The following PAPLN variants were observed in gnomAD, a reference collection of about 807,000 sequenced individuals.
The protein encoded by PAPLN is papilin.
A neutral mutation model predicts 159.0 loss-of-function variants in PAPLN; 146 were observed. The observed-to-expected ratio is 0.92, with a 90% CI of 0.80 to 1.05. The LOEUF is 1.05. PAPLN is among the 50% of genes least tolerant of loss of function. The probability of loss-of-function intolerance (pLI) is 0.00; values close to 1 mark genes in which losing one functional copy is unlikely to be tolerated. For missense variants in PAPLN, 1,720 were observed against 1,743.9 expected, an observed-to-expected ratio of 0.99 and a Z score of 0.24; for synonymous variants, 734 against 702.9, an observed-to-expected ratio of 1.04 and a Z score of -0.70.
chr14:73,264,049 G>A, intron 20 of PAPLN, 162 bp from the exon 21 acceptor site: 1 of 1,537,244 alleles, frequency 6.5e-7, no homozygotes. Context: ...TGACAGGTGT[G>A]TGTGACAGCC....
chr14:73,255,096 C>A, intron 14 of PAPLN, 78 bp downstream of exon 14: 1 of 1,515,308 alleles, frequency 6.6e-7, no homozygotes, highest in Non-Finnish European at 8.9e-7. Flanking sequence ...GCATGTCCTG[C>A]CTCGGGGCCT....
chr14:73,241,022 GA>G (rs1300254678), intron 2 of PAPLN, among the ~76,000 whole-genome samples: 3 of 152,026 alleles, frequency 2.0e-5, no homozygotes, highest in South Asian at 2.1e-4. Context: ...TCGGGGGGGG[GA>G]TGCCACGTCT....
chr14:73,242,156 G>T (rs1008762107), intron 2 of PAPLN, among the ~76,000 whole-genome samples: 4 of 152,248 alleles, frequency 2.6e-5, no homozygotes, highest in Non-Finnish European at 1.5e-5. Context: ...TGTGGACAGA[G>T]CACGGCTCTA....
chr14:73,249,454 A>T (rs947630176), intron 5 of PAPLN, among the ~76,000 whole-genome samples: 2 of 152,100 alleles, frequency 1.3e-5, no homozygotes, highest in Non-Finnish European at 2.9e-5. Flanking sequence ...CAGGTGGATC[A>T]CCTGAGGTCA....
At chr14:73,258,386 A>C (rs1886164667) in intron 14 of PAPLN, among the ~76,000 whole-genome samples, 1 of 152,132 alleles carries the variant, frequency 6.6e-6, no homozygotes, top group Non-Finnish European at 1.5e-5. Context: ...GCCTTTCATC[A>C]GTCCAATTTT....
intron 26 of PAPLN, among the ~76,000 whole-genome samples, chr14:73,269,688 A>C (rs910625198): frequency 6.6e-6 from 1 of 152,216 alleles, no homozygotes; most frequent in Non-Finnish European, 1.5e-5. Context: ...TCACGGAGGG[A>C]CTGAAGACAG....
chr14:73,241,793 G>A (rs976043267), intron 2 of PAPLN, among the ~76,000 whole-genome samples: 2 of 152,386 alleles, frequency 1.3e-5, no homozygotes, highest in East Asian at 1.9e-4. Context: ...TAAAGGTGGC[G>A]GCCTGCGTGT....
rs151321267 is a variant in PAPLN, at chr14:73,262,358, G to A, written c.2254G>A (p.Val752Met). The A allele has an allele frequency of 1.6e-4, 253 of 1,611,410 alleles. 1 individual carries two copies. The African/African-American group carries it at 1.9e-3, about 12-fold the overall frequency. ...CVGQPSHAYPVRCLLPSAHGS... is the reference protein window; with the variant it reads ...CVGQPSHAYPMRCLLPSAHGS... The stretch of plus-strand genomic sequence containing the variant: ...ACACCCATGCCCTGCAGCCTACCCC[G>A]TGCGGTGCCTGCTGCCCAGTGCCCA... The change falls in exon 19 of 27, where the codon GTG becomes ATG. Residue 752 changes from valine (V) to methionine (M), a missense_variant. By Grantham distance (21) the Val-to-Met change is conservative (BLOSUM62 1). Transcript: ENST00000644200.
intron 19 of PAPLN, 84 bp downstream of exon 19, chr14:73,262,911 C>A: frequency 8.2e-7 from 1 of 1,214,630 alleles, no homozygotes; most frequent in Non-Finnish European, 1.1e-6. Context: ...TGAAGTCAGC[C>A]GGCCCTCCCT....
At chr14:73,248,031 G>GT (rs1884761467) in intron 5 of PAPLN, among the ~76,000 whole-genome samples, 1 of 65,706 alleles carries the variant, frequency 1.5e-5, no homozygotes, top group Non-Finnish European at 3.0e-5. Context: ...TGTGTGTGTT[G>GT]GGATTGTGGC....
rs745421241 is a variant in PAPLN at position 73,239,827 on chromosome 14, T to A, written c.49T>A (p.Ser17Thr). 1.2e-5 allele frequency: 19 copies of A among 1,589,620 alleles called. No individual in the cohort carries two copies. Among genetic ancestry groups the A allele is most frequent in the African/African-American group, 2.7e-5 (2 of 74,556 alleles). The part of the protein sequence containing the change: ...VPLLLAPAPG[S>T]SAPKVRRQSD... ...GCTGCTGCTGGCTCCAGCGCCCGGG[T>A]CCTCGGTGAGTGCGGTCCTGCCCCG... is the stretch of plus-strand genomic sequence containing the variant. Residue 17 changes from serine (S) to threonine (T), a missense_variant, in exon 2 of 27, where the codon TCC (serine) becomes ACC (threonine). By Grantham distance (58) the Ser-to-Thr change is moderately conservative. Coordinates refer to ENST00000644200, the MANE Select transcript of PAPLN (RefSeq NM_001365906.3).
rs866504444 is a variant in PAPLN, at chr14:73,262,590, G to A, written c.2486G>A (p.Gly829Asp). 2.6e-6 allele frequency: 4 copies of A among 1,560,084 alleles called. No individual in the cohort carries two copies. The highest frequency in any genetic ancestry group is 2.4e-5 in the East Asian group (1 of 42,184). ...AGGAGCACCCACACGGATGGTGGCG[G>A]CAGCAGTCCTGCAGGCGAGCAGGAA... Reference protein sequence around the residue: ...SGRSTHTDGGGSSPAGEQEPS... With the variant: ...SGRSTHTDGGDSSPAGEQEPS... The change falls in exon 19 of 27, where the codon GGC (glycine) becomes GAC (aspartate). Residue 829 changes from glycine (G) to aspartate (D), a missense_variant. Gly to Asp is a moderately conservative substitution (Grantham distance 94). Transcript: ENST00000644200.
Position 73,249,976 on chromosome 14 carries a change from C to G in PAPLN, c.335-8C>G, listed in dbSNP as rs758545886. The G allele has an allele frequency of 3.9e-5, 62 of 1,593,700 alleles. No individual in the cohort carries two copies. Among genetic ancestry groups the G allele is most frequent in the Non-Finnish European group, 5.0e-5 (59 of 1,169,446 alleles). Reference sequence around the variant, plus strand: ...AGGATCTCAGTCTTGCCTTCCTGCCCACCCCAGCCCCAAACAAGTGTGAAC... The same window carrying G: ...AGGATCTCAGTCTTGCCTTCCTGCCGACCCCAGCCCCAAACAAGTGTGAAC... On this transcript the variant is annotated splice_polypyrimidine_tract_variant and splice_region_variant and intron_variant, in intron 5 of 26. Coordinates refer to ENST00000644200, the MANE Select transcript of PAPLN (RefSeq NM_001365906.3).
At position 73,237,594 on chromosome 14, in the gene PAPLN, T is replaced by A. The variant is rs1883107894; in HGVS notation, c.-7+2T>A. The A allele has an allele frequency of 1.3e-5, 2 of 150,966 alleles. No homozygotes were observed. The highest frequency in any genetic ancestry group is 2.4e-5 in the African/African-American group (1 of 41,054). 9.4% of individuals were successfully genotyped at this position (150,966 alleles called of 1,614,324 possible). ...GCCTCCCGGCGCCAGCGAAGACAGG[T>A]AGGGAGGCGGAGGGACTGGAAGCCC... On this transcript the variant is annotated splice_donor_variant, in intron 1 of 26. Coordinates refer to ENST00000644200, the MANE Select transcript of PAPLN (RefSeq NM_001365906.3). LOFTEE classifies it low-confidence loss of function (5UTR_SPLICE).
chr14:73,262,848 G>A, intron 19 of PAPLN, 21 bp downstream of exon 19: 1 of 1,446,570 alleles, frequency 6.9e-7, no homozygotes, highest in Non-Finnish European at 9.1e-7. Flanking sequence ...CCTTCCCCAG[G>A]TGAGGGGGTT....
upstream of PAPLN, among the ~76,000 whole-genome samples, chr14:73,237,090 G>T (rs1476012132): frequency 6.6e-6 from 1 of 152,172 alleles, no homozygotes; most frequent in Non-Finnish European, 1.5e-5. Flanking sequence ...GTGAGAAAAC[G>T]TGCTGGGAGA....
rs373413965 is a variant in PAPLN at position 73,263,047 on chromosome 14, G to A, written c.2723+220G>A. ...ACTCTGATGTCTAATAGACATCTGT[G>A]CAGATGGTGGCTCCGGGGTTCTCCA... is the stretch of plus-strand genomic sequence containing the variant. On this transcript the variant is annotated intron_variant, in intron 19 of 26. Transcript: ENST00000644200. 61 of 429,580 alleles carry A rather than the reference G, an allele frequency of 1.4e-4. 2 individuals are homozygous for A. In the South Asian group the frequency reaches 5.4e-3, roughly 38 times the overall value. The allele number at this position is 429,580 out of a possible 1,614,324, so 26.6% of individuals were successfully genotyped here. A position where few individuals can be genotyped will look rare whatever the true frequency, so the allele number is the denominator to read the frequency against.
At chr14:73,246,642 C>CTTTTTTTTTTTTTTT (rs60063397) in intron 5 of PAPLN, among the ~76,000 whole-genome samples, 2 of 116,854 alleles carry the variant, frequency 1.7e-5, no homozygotes, top group Admixed American at 9.3e-5. Context: ...TTCTTTCTTT[C>CTTTTTTTTTTTTTTT]TTTTTTTTTT....
Position 73,272,502 on chromosome 14 carries a change from C to T in PAPLN, c.3675C>T (p.Thr1225=), listed in dbSNP as rs1407666014. Residue 1225 remains threonine (T), a synonymous_variant, in exon 27 of 27, where the codon ACC becomes ACT. Transcript: ENST00000644200. The part of the protein sequence containing the change: ...TEVKVVSPAP[T]AQPRDPGRDC... ...TCCCCTGTCGTTCTGCAGCACCCAC[C>T]GCCCAGCCCAGGGACCCTGGCAGGG... The T allele has an allele frequency of 1.4e-5, 22 of 1,538,772 alleles. No individual in the cohort carries two copies. Among genetic ancestry groups the T allele is most frequent in the South Asian group, 7.2e-5 (6 of 83,386 alleles).
Sources: gnomAD v4.1 joint callset for allele counts (sites outside exome capture counted in the v4.1 genomes callset) on GRCh38, gnomAD v4.1.1 for gene constraint, MANE v1.5 for transcripts, NCBI Gene and HGNC (gene_info 2026-07-23, HGNC 2026-07-21) for gene names.